NTNG1: variants seen among roughly 807,000 people sequenced by gnomAD.
NTNG1 encodes netrin G1.
In NTNG1, 16 loss-of-function variants were observed where a neutral mutation model predicts 54.0. That is an observed-to-expected ratio of 0.30 (90% CI 0.20 to 0.45). The LOEUF is 0.45. NTNG1 is among the 20% of genes least tolerant of loss of function. The probability of loss-of-function intolerance (pLI) is 1.00; values close to 1 mark genes in which losing one functional copy is unlikely to be tolerated. For synonymous variants in NTNG1, 255 were observed against 263.1 expected, an observed-to-expected ratio of 0.97 and a Z score of 0.30; for missense variants, 530 against 678.7, an observed-to-expected ratio of 0.78 and a Z score of 2.43.
intron 2 of NTNG1, among the ~76,000 whole-genome samples, chr1:107,280,046 T>A (rs1320414654): frequency 7.2e-6 from 1 of 139,528 alleles, no homozygotes; most frequent in East Asian, 1.9e-4. Context: ...TGTGTGTGTG[T>A]GTGTGTGTGT....
chr1:107,345,760 C>G lies in NTNG1; in HGVS notation c.887+20838C>G, dbSNP rs535700213. 4.6e-5 allele frequency among the ~76,000 whole-genome samples: 7 copies of G among 152,250 alleles called. No homozygotes were observed. The South Asian group carries it at 1.0e-3, about 23-fold the overall frequency. On this transcript the variant is annotated intron_variant, in intron 3 of 7. Transcript: ENST00000370068. ...GTGTACTGCCTGCCCTAGATTTTCA[C>G]TGTTTTCTCTTTTTCTTTAAAAACT...
At chr1:107,388,538 T>C (rs746603) in intron 3 of NTNG1, among the ~76,000 whole-genome samples, 37,609 of 152,160 alleles carry the variant, frequency 0.25, 5,826 homozygotes, top group South Asian at 0.33. Context: ...TCTCATGGGA[T>C]TGTTGTGAGC....
intron 4 of NTNG1, among the ~76,000 whole-genome samples, chr1:107,398,028 T>C (rs1432561561): frequency 1.3e-5 from 2 of 152,030 alleles, no homozygotes; most frequent in East Asian, 1.9e-4. Flanking sequence ...AAGTCAGTTA[T>C]CTATGAGGGA....
intron 2 of NTNG1, among the ~76,000 whole-genome samples, chr1:107,204,918 A>C (rs1393906376): frequency 1.3e-5 from 2 of 152,102 alleles, no homozygotes; most frequent in Admixed American, 6.6e-5. Flanking sequence ...GTGATACGGG[A>C]GTTACTGCAG....
rs542184151 is a variant in NTNG1 at position 107,472,743 on chromosome 1, G to GT, written c.1391-7861dup. 1.1e-3 allele frequency among the ~76,000 whole-genome samples: 172 copies of GT among 151,876 alleles called. 2 individuals are homozygous for GT. The highest frequency in any genetic ancestry group is 3.4e-3 in the African/African-American group (140 of 41,424). ...AAAAGGTTTTTTTTTGTTTTGTTTT[G>GT]TTTTTTTGTGGGGCGGGGATGGATT... is the stretch of plus-strand genomic sequence containing the variant. On this transcript the variant is annotated intron_variant, in intron 7 of 7. Coordinates refer to ENST00000370068, the MANE Select transcript of NTNG1 (RefSeq NM_001113226.3).
At chr1:107,152,537 A>G (rs542416174) in intron 2 of NTNG1, among the ~76,000 whole-genome samples, 3 of 152,328 alleles carry the variant, frequency 2.0e-5, no homozygotes, top group Admixed American at 6.5e-5. Flanking sequence ...TTTTCTGGAT[A>G]AGTTAAACAG....
At chr1:107,226,489 C>T (rs908077587) in intron 2 of NTNG1, among the ~76,000 whole-genome samples, 3 of 152,040 alleles carry the variant, frequency 2.0e-5, no homozygotes, top group African/African-American at 7.2e-5. Context: ...TCATATGCCT[C>T]CAGGGCAATC....
intron 2 of NTNG1, among the ~76,000 whole-genome samples, chr1:107,184,408 T>C (rs758700293): frequency 1.2e-4 from 18 of 152,068 alleles, no homozygotes; most frequent in Non-Finnish European, 2.9e-5. Flanking sequence ...ACTTTCTGAG[T>C]TATTCTTCCT....
At chr1:107,182,087 T>C (rs914916502) in intron 2 of NTNG1, among the ~76,000 whole-genome samples, 1 of 152,110 alleles carries the variant, frequency 6.6e-6, no homozygotes, top group Non-Finnish European at 1.5e-5. Context: ...CCCAAACCAA[T>C]GTGCATTTTC....
intron 2 of NTNG1, among the ~76,000 whole-genome samples, chr1:107,155,113 A>G (rs967271533): frequency 2.0e-5 from 3 of 152,060 alleles, no homozygotes; most frequent in Non-Finnish European, 4.4e-5. Flanking sequence ...TTGAACTATA[A>G]TGAGCATATT....
chr1:107,220,629 T>G (rs1232445037), intron 2 of NTNG1, among the ~76,000 whole-genome samples: 2 of 152,236 alleles, frequency 1.3e-5, no homozygotes, highest in African/African-American at 4.8e-5. Flanking sequence ...GTTTTTAACC[T>G]CTGTCAGCCT....
intron 2 of NTNG1, among the ~76,000 whole-genome samples, chr1:107,323,844 C>A (rs994834559): frequency 6.6e-6 from 1 of 152,096 alleles, no homozygotes; most frequent in Non-Finnish European, 1.5e-5. Context: ...ATCTATGGTT[C>A]ATGGCTCATT....
At chr1:107,358,775 A>G (rs186019444) in intron 3 of NTNG1, among the ~76,000 whole-genome samples, 30 of 152,258 alleles carry the variant, frequency 2.0e-4, no homozygotes, top group Admixed American at 5.2e-4. Flanking sequence ...CATTACAAAC[A>G]TGCCATAACA....
At chr1:107,224,857 TCAGA>T (rs890732468) in intron 2 of NTNG1, among the ~76,000 whole-genome samples, 1 of 152,136 alleles carries the variant, frequency 6.6e-6, no homozygotes, top group Non-Finnish European at 1.5e-5. Flanking sequence ...GATATTGGTG[TCAGA>T]CAGAATCTGG....
intron 7 of NTNG1, among the ~76,000 whole-genome samples, chr1:107,450,821 T>C (rs1198036614): frequency 6.6e-6 from 1 of 152,102 alleles, no homozygotes; most frequent in African/African-American, 2.4e-5. Context: ...AGGATCATCC[T>C]AAATCCTGGA....
chr1:107,400,873 C>A (rs935132957), intron 4 of NTNG1, among the ~76,000 whole-genome samples: 2 of 152,192 alleles, frequency 1.3e-5, no homozygotes, highest in African/African-American at 4.8e-5. Context: ...TGCTCTCGAA[C>A]TTCTGACCTC....
chr1:107,164,222 C>G (rs957413347), intron 2 of NTNG1, among the ~76,000 whole-genome samples: 2 of 152,216 alleles, frequency 1.3e-5, no homozygotes, highest in Non-Finnish European at 2.9e-5. Context: ...ATCTCAGCCT[C>G]CACCTCTAGC....
intron 2 of NTNG1, among the ~76,000 whole-genome samples, chr1:107,258,069 C>A (rs1663041161): frequency 6.6e-6 from 1 of 152,096 alleles, no homozygotes; most frequent in East Asian, 1.9e-4. Flanking sequence ...GAAAGACACT[C>A]TAGGGTTAAT....
chr1:107,301,698 A>C (rs942371876), intron 2 of NTNG1, among the ~76,000 whole-genome samples: 27 of 152,270 alleles, frequency 1.8e-4, no homozygotes, highest in Admixed American at 1.8e-3. Context: ...CTTCATTGTG[A>C]TCATCCCAGT....
Sources: gnomAD v4.1 joint callset for allele counts (sites outside exome capture counted in the v4.1 genomes callset) on GRCh38, gnomAD v4.1.1 for gene constraint, MANE v1.5 for transcripts, NCBI Gene and HGNC (gene_info 2026-07-23, HGNC 2026-07-21) for gene names.